NUP93: variants seen among roughly 807,000 people sequenced by gnomAD.
NUP93 encodes nucleoporin 93.
A neutral mutation model predicts 107.8 loss-of-function variants in NUP93; 55 were observed. The observed-to-expected ratio is 0.51, with a 90% confidence interval of 0.41 to 0.64. NUP93 has a LOEUF of 0.64. NUP93 is among the 30% of genes least tolerant of loss of function. NUP93 has a pLI of 0.00. For synonymous variants in NUP93, 390 were observed against 397.5 expected, an observed-to-expected ratio of 0.98 and a Z score of 0.22; for missense variants, 937 against 1,044.7, an observed-to-expected ratio of 0.90 and a Z score of 1.42.
chr16:56,732,387 G>GC (rs1567369506), intron 1 of NUP93, among the ~76,000 whole-genome samples: 1 of 152,192 alleles, frequency 6.6e-6, no homozygotes, highest in Non-Finnish European at 1.5e-5. Flanking sequence ...AGACAGGCCT[G>GC]CCCTCATTGA....
chr16:56,762,586 A>G (rs1241873640), intron 3 of NUP93, among the ~76,000 whole-genome samples: 1 of 152,246 alleles, frequency 6.6e-6, no homozygotes, highest in Non-Finnish European at 1.5e-5. Flanking sequence ...ATAATTAAAA[A>G]TATTTTTAAT....
intron 4 of NUP93, among the ~76,000 whole-genome samples, chr16:56,802,989 C>T (rs952960755): frequency 2.1e-5 from 3 of 144,198 alleles, no homozygotes; most frequent in Non-Finnish European, 3.0e-5. Flanking sequence ...GACTTCCTTT[C>T]TTTTTTATTT....
chr16:56,810,353 G>A (rs1189600863), intron 5 of NUP93, among the ~76,000 whole-genome samples: 5 of 152,226 alleles, frequency 3.3e-5, no homozygotes, highest in African/African-American at 1.2e-4. Context: ...CTCAGGCTGA[G>A]TGCAGTGGCT....
chr16:56,754,874 C>T (rs1961989847), intron 2 of NUP93, among the ~76,000 whole-genome samples: 1 of 152,238 alleles, frequency 6.6e-6, no homozygotes, highest in South Asian at 2.1e-4. Flanking sequence ...CATTTCTCTA[C>T]ATTCTCTGGT....
At chr16:56,811,002 A>C (rs1242271551) in intron 5 of NUP93, among the ~76,000 whole-genome samples, 3 of 152,198 alleles carry the variant, frequency 2.0e-5, no homozygotes, top group African/African-American at 7.2e-5. Flanking sequence ...GTATAACTGC[A>C]ATTTGTTTAT....
chr16:56,787,771 GA>G (rs1962660483), intron 3 of NUP93, among the ~76,000 whole-genome samples: 1 of 152,292 alleles, frequency 6.6e-6, no homozygotes, highest in Non-Finnish European at 1.5e-5. Flanking sequence ...GAGTCCTTTG[GA>G]AGTGGATTAA....
At chr16:56,798,798 A>G (rs775176640) in intron 4 of NUP93, among the ~76,000 whole-genome samples, 8 of 151,366 alleles carry the variant, frequency 5.3e-5, no homozygotes, top group Admixed American at 2.0e-4. Flanking sequence ...CCTGGGAGGT[A>G]GAGGCTTGAG....
At chr16:56,788,674 G>A (rs928624179) in intron 3 of NUP93, among the ~76,000 whole-genome samples, 20 of 152,234 alleles carry the variant, frequency 1.3e-4, no homozygotes, top group African/African-American at 4.8e-4. Flanking sequence ...CTTTGCAGTA[G>A]TAGCACGGAG....
At chr16:56,769,427 G>C (rs1386329115) in intron 3 of NUP93, among the ~76,000 whole-genome samples, 1 of 152,200 alleles carries the variant, frequency 6.6e-6, no homozygotes, top group Non-Finnish European at 1.5e-5. Flanking sequence ...GCGTTGGGAG[G>C]TGGTGGTTGA....
At chr16:56,815,344 G>A (rs552105076) in intron 5 of NUP93, among the ~76,000 whole-genome samples, 1 of 152,136 alleles carries the variant, frequency 6.6e-6, no homozygotes, top group South Asian at 2.1e-4. Context: ...TAGAAAGGTG[G>A]CTGTCTTAGA....
At position 56,730,159 on chromosome 16, in the gene NUP93, G is replaced by T. The variant is rs1961506836; in HGVS notation, c.-67G>T. The T allele has an allele frequency of 6.6e-6, 1 of 152,174 alleles. No individual in the cohort carries two copies. The highest frequency in any genetic ancestry group is 6.5e-5 in the Admixed American group (1 of 15,290). The allele number at this position is 152,174 out of a possible 1,614,324, so 9.4% of individuals were successfully genotyped here. ...GCGGGGGAGAGCGGCGCGAGAAGCG[G>T]CGGCCGCGTCCTCAAGCCGGCACCT... is the stretch of plus-strand genomic sequence containing the variant. On this transcript the variant is annotated 5_prime_UTR_variant, in exon 1 of 22. Transcript: ENST00000308159.
chr16:56,808,106 T>A (rs1413998878), intron 5 of NUP93, among the ~76,000 whole-genome samples: 2 of 127,338 alleles, frequency 1.6e-5, no homozygotes, highest in Non-Finnish European at 1.6e-5. Flanking sequence ...CACACACATA[T>A]AAATATATAT....
chr16:56,753,952 A>G (rs1961970256), intron 2 of NUP93, among the ~76,000 whole-genome samples: 1 of 151,930 alleles, frequency 6.6e-6, no homozygotes, highest in African/African-American at 2.4e-5. Flanking sequence ...GGTGATGGGT[A>G]TGAGGAGGTT....
intron 5 of NUP93, among the ~76,000 whole-genome samples, chr16:56,814,619 C>T (rs1215179810): frequency 1.3e-5 from 2 of 152,190 alleles, no homozygotes; most frequent in East Asian, 3.8e-4. Flanking sequence ...CTTTCGGTCC[C>T]CATCCTGTCC....
Position 56,815,936 on chromosome 16 carries a change from T to C in NUP93, c.490-2728T>C, listed in dbSNP as rs772384360. On this transcript the variant is annotated intron_variant, in intron 5 of 21. Transcript: ENST00000308159. The stretch of plus-strand genomic sequence containing the variant: ...CTGCTGGTGCTGCTGCTGCTACCAC[T>C]ACTACTACTACTACCACTACTACTA... 2.6e-5 allele frequency among the ~76,000 whole-genome samples: 4 copies of C among 151,992 alleles called. No individual in the cohort carries two copies. The East Asian group carries it at 5.8e-4, about 22-fold the overall frequency.
At chr16:56,814,765 C>A (rs892678303) in intron 5 of NUP93, among the ~76,000 whole-genome samples, 1 of 152,142 alleles carries the variant, frequency 6.6e-6, no homozygotes, top group Non-Finnish European at 1.5e-5. Context: ...AAAGAAGAAA[C>A]CCTGTTGTCT....
intron 8 of NUP93, among the ~76,000 whole-genome samples, chr16:56,828,451 G>A (rs1392214681): frequency 6.6e-6 from 1 of 152,026 alleles, no homozygotes; most frequent in Admixed American, 6.6e-5. Context: ...AGAGCCATAT[G>A]GTATTTATGG....
rs1384312601 is a variant in NUP93 at position 56,759,928 on chromosome 16, G to T, written c.297+1273G>T. On this transcript the variant is annotated intron_variant, in intron 3 of 21. Transcript: ENST00000308159. ...ATTTTCTTTGATATTCTTGGAGTAG[G>T]TATTTGGAATACTCAACAGCATTTT... Among the ~76,000 whole-genome samples, 5 of 152,072 alleles carry T rather than the reference G, an allele frequency of 3.3e-5. 1 individual carries two copies. In the South Asian group the frequency reaches 1.0e-3, roughly 31 times the overall value.
intron 6 of NUP93, among the ~76,000 whole-genome samples, chr16:56,819,711 G>T (rs1195019431): frequency 6.6e-6 from 1 of 152,238 alleles, no homozygotes; most frequent in African/African-American, 2.4e-5. Context: ...CAGTTATTTA[G>T]TCAGTGGCAT....
Sources: gnomAD v4.1 joint callset for allele counts (sites outside exome capture counted in the v4.1 genomes callset) on GRCh38, gnomAD v4.1.1 for gene constraint, MANE v1.5 for transcripts, NCBI Gene and HGNC (gene_info 2026-07-23, HGNC 2026-07-21) for gene names.